Variants in TOX3 observed in about 807,000 individuals in gnomAD.
TOX3 encodes the protein CAG trinucleotide repeat-containing gene F9 protein.
Under a neutral mutation model 64.3 loss-of-function variants are expected in TOX3, and 22 were observed. The ratio of observed to expected loss-of-function variants is 0.34; its 90% CI spans 0.24 to 0.49. The LOEUF is 0.49. Ranked by LOEUF, TOX3 falls within the 20% of genes least tolerant of loss-of-function variation. TOX3 has a pLI of 0.99. For synonymous variants in TOX3, 291 were observed against 273.6 expected, an observed-to-expected ratio of 1.06 and a Z score of -0.63; for missense variants, 661 against 714.4, an observed-to-expected ratio of 0.93 and a Z score of 0.85.
intron 4 of TOX3, among the ~76,000 whole-genome samples, chr16:52,447,475 G>A (rs114367954): frequency 0.011 from 1,619 of 152,184 alleles, 28 homozygotes; most frequent in African/African-American, 0.036. Context: ...TTCTTAGAGA[G>A]CTCTGAACAC....
At chr16:52,517,392 A>G (rs918424404) in intron 1 of TOX3, among the ~76,000 whole-genome samples, 2 of 152,018 alleles carry the variant, frequency 1.3e-5, no homozygotes, top group African/African-American at 2.4e-5. Flanking sequence ...AGATTCAAAT[A>G]CTGGAAGGAA....
At chr16:52,450,696 A>C in intron 3 of TOX3, 150 bp from the exon 4 acceptor site, 1 of 993,116 alleles carries the variant, frequency 1.0e-6, no homozygotes, top group Non-Finnish European at 1.4e-6. Flanking sequence ...TTCATTTATT[A>C]AATATAAGGA....
intron 1 of TOX3, among the ~76,000 whole-genome samples, chr16:52,510,008 A>G (rs1257891087): frequency 4.6e-5 from 7 of 152,126 alleles, no homozygotes; most frequent in Non-Finnish European, 1.0e-4. Context: ...TGCTGCTGGT[A>G]ATAATGAGGA....
chr16:52,541,867 A>G (rs1206742292), intron 1 of TOX3, among the ~76,000 whole-genome samples: 2 of 152,194 alleles, frequency 1.3e-5, no homozygotes, highest in Non-Finnish European at 1.5e-5. Context: ...ATTAGTCACT[A>G]TACACCACAC....
At chr16:52,490,279 T>C (rs549752200) in intron 1 of TOX3, among the ~76,000 whole-genome samples, 1 of 152,276 alleles carries the variant, frequency 6.6e-6, no homozygotes, top group East Asian at 1.9e-4. Context: ...CCTTCTGCCA[T>C]GATTGTAAGT....
In TOX3 at chr16:52,463,891, G is replaced by A. The variant is rs1322401458; in HGVS notation, c.408+43C>T. 6.1e-6 allele frequency: 9 copies of A among 1,483,878 alleles called. No homozygotes were observed. The South Asian group carries it at 8.8e-5, about 14-fold the overall frequency. The allele number at this position is 1,483,878 out of a possible 1,614,324, so 91.9% of individuals were successfully genotyped here. On this transcript the variant is annotated intron_variant, in intron 3 of 6. Coordinates refer to ENST00000219746, the MANE Select transcript of TOX3 (RefSeq NM_001080430.4). Reference sequence around the variant, plus strand: ...CTCTCAGATCTTTACTATGATTTGTGCAAATGATAAAAAATAATTTAAGTA... The same window carrying A: ...CTCTCAGATCTTTACTATGATTTGTACAAATGATAAAAAATAATTTAAGTA...
At chr16:52,440,078 A>G (rs779104918) in intron 6 of TOX3, 110 bp from the exon 7 acceptor site, 130 of 879,332 alleles carry the variant, frequency 1.5e-4, no homozygotes, top group Non-Finnish European at 2.1e-4. Flanking sequence ...ACCATTATTC[A>G]TGCCCTCCTG....
chr16:52,459,242 G>A (rs768948960), intron 3 of TOX3, among the ~76,000 whole-genome samples: 2 of 152,112 alleles, frequency 1.3e-5, no homozygotes, highest in South Asian at 2.1e-4. Context: ...ACGGGAGTTC[G>A]AGACTGCAAT....
intron 1 of TOX3, among the ~76,000 whole-genome samples, chr16:52,503,159 C>G (rs886621856): frequency 4.6e-5 from 7 of 152,002 alleles, no homozygotes; most frequent in Non-Finnish European, 1.0e-4. Flanking sequence ...TAGGGTCTTT[C>G]CATCATGAAA....
At chr16:52,467,652 G>C (rs1271919969) in intron 2 of TOX3, among the ~76,000 whole-genome samples, 2 of 152,052 alleles carry the variant, frequency 1.3e-5, no homozygotes, top group Non-Finnish European at 2.9e-5. Context: ...ACTTCTGTTT[G>C]TTCTTGTTCT....
chr16:52,508,688 A>G (rs1311364592), intron 1 of TOX3, among the ~76,000 whole-genome samples: 3 of 152,180 alleles, frequency 2.0e-5, no homozygotes, highest in Admixed American at 6.5e-5. Flanking sequence ...CAGGAAAGTG[A>G]CTATCTCTGG....
chr16:52,485,134 T>A (rs1401396939), intron 1 of TOX3, among the ~76,000 whole-genome samples: 1 of 109,140 alleles, frequency 9.2e-6, no homozygotes, highest in East Asian at 4.6e-4. Context: ...TGTGTATACA[T>A]ATGTGTGTAT....
At chr16:52,542,130 G>T (rs1336508408) in intron 1 of TOX3, among the ~76,000 whole-genome samples, 8 of 152,298 alleles carry the variant, frequency 5.3e-5, no homozygotes, top group Admixed American at 4.6e-4. Flanking sequence ...GATCAATAGT[G>T]CTTAGAGCTG....
chr16:52,462,235 T>G (rs1960712509), intron 3 of TOX3, among the ~76,000 whole-genome samples: 1 of 152,176 alleles, frequency 6.6e-6, no homozygotes, highest in Non-Finnish European at 1.5e-5. Flanking sequence ...CTTTAGTGAT[T>G]AGCCATACAT....
intron 1 of TOX3, among the ~76,000 whole-genome samples, chr16:52,526,011 A>G (rs1962720245): frequency 6.6e-6 from 1 of 152,194 alleles, no homozygotes; most frequent in African/African-American, 2.4e-5. Context: ...GCTACTTTTT[A>G]TAAGAATTTC....
intron 1 of TOX3, among the ~76,000 whole-genome samples, chr16:52,511,887 A>G (rs1322025749): frequency 6.6e-6 from 1 of 152,242 alleles, no homozygotes; most frequent in Non-Finnish European, 1.5e-5. Flanking sequence ...ATTTCAAAGA[A>G]TACTTAAAGC....
chr16:52,445,667 C>T, intron 5 of TOX3: 1 of 244,340 alleles, frequency 4.1e-6, no homozygotes, highest in Non-Finnish European at 8.0e-6. Context: ...TTTGTAGTGC[C>T]CTTTTTGAAC....
At chr16:52,476,192 G>T (rs1961201218) in intron 1 of TOX3, among the ~76,000 whole-genome samples, 1 of 152,096 alleles carries the variant, frequency 6.6e-6, no homozygotes, top group African/African-American at 2.4e-5. Flanking sequence ...TCCAAACTTG[G>T]ATCAAGCAGG....
At chr16:52,520,502 A>G (rs1962581795) in intron 1 of TOX3, among the ~76,000 whole-genome samples, 1 of 152,234 alleles carries the variant, frequency 6.6e-6, no homozygotes, top group East Asian at 1.9e-4. Flanking sequence ...AGTGTCTGCC[A>G]AATTTCAGTT....
Sources: gnomAD v4.1 joint callset for allele counts (sites outside exome capture counted in the v4.1 genomes callset) on GRCh38, gnomAD v4.1.1 for gene constraint, MANE v1.5 for transcripts, NCBI Gene and HGNC (gene_info 2026-07-23, HGNC 2026-07-21) for gene names.